UNC5C: variants seen among roughly 807,000 people sequenced by gnomAD.
The protein encoded by UNC5C is netrin receptor UNC5C.
UNC5C carries 47 observed loss-of-function variants against 99.8 expected under a neutral mutation model. That is an observed-to-expected ratio of 0.47 (90% CI 0.37 to 0.60). The LOEUF (loss-of-function observed/expected upper bound fraction) is 0.60, where lower values mean the gene tolerates loss of function less well. UNC5C is among the 20% of genes least tolerant of loss of function. The pLI, the probability that UNC5C is intolerant of heterozygous loss-of-function variation, is 0.00. For synonymous variants in UNC5C, 487 were observed against 452.2 expected (o/e 1.08, Z -0.98); for missense variants, 1,062 against 1,165.9 (o/e 0.91, Z 1.30).
intron 1 of UNC5C, among the ~76,000 whole-genome samples, chr4:95,388,370 C>A (rs1745268002): frequency 6.6e-6 from 1 of 152,152 alleles, no homozygotes; most frequent in Non-Finnish European, 1.5e-5. Flanking sequence ...ATCAAACTAG[C>A]CATCTTGGAA....
chr4:95,195,665 C>G (rs1737349710), intron 12 of UNC5C, among the ~76,000 whole-genome samples: 1 of 152,108 alleles, frequency 6.6e-6, no homozygotes, highest in East Asian at 1.9e-4. Context: ...CTACCTTCTC[C>G]CTGTAACAAG....
At chr4:95,417,706 T>C (rs1746206748) in intron 1 of UNC5C, among the ~76,000 whole-genome samples, 1 of 152,052 alleles carries the variant, frequency 6.6e-6, no homozygotes, top group Non-Finnish European at 1.5e-5. Flanking sequence ...AGGGAATGAG[T>C]AGGTGAGTAG....
chr4:95,172,750 A>C (rs1428402222), intron 14 of UNC5C, among the ~76,000 whole-genome samples: 1 of 151,844 alleles, frequency 6.6e-6, no homozygotes, highest in Non-Finnish European at 1.5e-5. Context: ...TATGAACTTG[A>C]AAGTAGTTTT....
intron 11 of UNC5C, among the ~76,000 whole-genome samples, chr4:95,206,250 TG>T (rs1348510783): frequency 1.3e-5 from 2 of 151,864 alleles, no homozygotes; most frequent in African/African-American, 4.8e-5. Flanking sequence ...CCGCCTGCAT[TG>T]GCCTCCCAAA....
intron 12 of UNC5C, among the ~76,000 whole-genome samples, chr4:95,191,202 C>T (rs1490146269): frequency 2.0e-5 from 3 of 152,158 alleles, no homozygotes; most frequent in Admixed American, 6.5e-5. Flanking sequence ...TCCCACTCTG[C>T]ATTATGTCCG....
chr4:95,216,209 C>T lies in UNC5C; in HGVS notation c.1648G>A (p.Val550Ile). ...GCCCCAGCGGGAATCAGCAAGCTGA[C>T]TCCTGAATAGCAAAAGAGAAAAGCA... Reference protein sequence around the residue: ...GGHLIVPNSGVSLLIPAGAIP... With the variant: ...GGHLIVPNSGISLLIPAGAIP... The change falls in exon 10 of 16, where the codon GTC (valine) becomes ATC (isoleucine). Residue 550 changes from valine (V) to isoleucine (I), a missense_variant and splice_region_variant. By Grantham distance (29) the Val-to-Ile change is conservative. Coordinates refer to ENST00000453304, the MANE Select transcript of UNC5C (RefSeq NM_003728.4). 6.2e-7 allele frequency: 1 copy of T among 1,611,986 alleles called. No homozygotes were observed.
intron 1 of UNC5C, among the ~76,000 whole-genome samples, chr4:95,545,798 C>G (rs773211871): frequency 5.7e-5 from 8 of 141,040 alleles, no homozygotes; most frequent in Non-Finnish European, 1.1e-4. Context: ...ACACACACTG[C>G]CTTTTACTAG....
chr4:95,542,370 G>C (rs995721544), intron 1 of UNC5C, among the ~76,000 whole-genome samples: 2 of 152,058 alleles, frequency 1.3e-5, no homozygotes, highest in African/African-American at 4.8e-5. Context: ...GCCACACAAG[G>C]CACTTTTGAA....
chr4:95,290,555 C>T (rs190414525), intron 3 of UNC5C, among the ~76,000 whole-genome samples: 1 of 152,144 alleles, frequency 6.6e-6, no homozygotes, highest in African/African-American at 2.4e-5. Context: ...GGCAAGTTAG[C>T]TAATATTTCC....
intron 1 of UNC5C, among the ~76,000 whole-genome samples, chr4:95,510,759 TAA>T (rs1722050065): frequency 1.3e-5 from 2 of 152,122 alleles, no homozygotes; most frequent in African/African-American, 4.8e-5. Flanking sequence ...TAAAGTACAT[TAA>T]TGAATGTTAT....
At chr4:95,497,177 TG>T (rs1721653011) in intron 1 of UNC5C, among the ~76,000 whole-genome samples, 1 of 151,968 alleles carries the variant, frequency 6.6e-6, no homozygotes, top group Non-Finnish European at 1.5e-5. Context: ...TATTTTTCTT[TG>T]GGTAGATACC....
chr4:95,200,965 G>C (rs1737631369), intron 12 of UNC5C, among the ~76,000 whole-genome samples: 1 of 152,058 alleles, frequency 6.6e-6, no homozygotes, highest in African/African-American at 2.4e-5. Context: ...GTGCCCTTAG[G>C]AATGGGATTA....
intron 5 of UNC5C, chr4:95,248,046 G>C (rs544569925): frequency 6.5e-6 from 1 of 153,442 alleles, no homozygotes; most frequent in African/African-American, 2.4e-5. Context: ...AGGGTAATCA[G>C]AGGATCAAAA....
chr4:95,544,377 ACTT>A (rs1723004694), intron 1 of UNC5C, among the ~76,000 whole-genome samples: 1 of 152,154 alleles, frequency 6.6e-6, no homozygotes. Context: ...AGAACATACA[ACTT>A]CCAGCCAAAT....
chr4:95,219,858 A>G (rs1402233049), intron 8 of UNC5C, 127 bp downstream of exon 8: 1 of 1,022,462 alleles, frequency 9.8e-7, no homozygotes, highest in East Asian at 2.4e-5. Flanking sequence ...AGTAATGAAC[A>G]AAATTAACTC....
chr4:95,439,650 G>A (rs1383301408), intron 1 of UNC5C, among the ~76,000 whole-genome samples: 2 of 152,144 alleles, frequency 1.3e-5, no homozygotes. Flanking sequence ...TTCCCAAAGT[G>A]CATTCTAGAA....
At chr4:95,431,251 T>G (rs1281475411) in intron 1 of UNC5C, among the ~76,000 whole-genome samples, 1 of 151,972 alleles carries the variant, frequency 6.6e-6, no homozygotes, top group Non-Finnish European at 1.5e-5. Context: ...TACCACTCTA[T>G]AGTGATGGTA....
intron 1 of UNC5C, among the ~76,000 whole-genome samples, chr4:95,466,570 C>T (rs1747785156): frequency 6.6e-6 from 1 of 151,958 alleles, no homozygotes; most frequent in African/African-American, 2.4e-5. Context: ...GAAAACATAT[C>T]CCAGCATTTG....
chr4:95,272,388 A>C (rs1193456835), intron 4 of UNC5C, among the ~76,000 whole-genome samples: 1 of 152,256 alleles, frequency 6.6e-6, no homozygotes, highest in Non-Finnish European at 1.5e-5. Context: ...ATAATAAGTC[A>C]GATAAAATCT....
Sources: gnomAD v4.1 joint callset for allele counts (sites outside exome capture counted in the v4.1 genomes callset) on GRCh38, gnomAD v4.1.1 for gene constraint, MANE v1.5 for transcripts, NCBI Gene and HGNC (gene_info 2026-07-23, HGNC 2026-07-21) for gene names.